NCAPG2: variants seen among roughly 807,000 people sequenced by gnomAD.
NCAPG2 encodes the protein non-SMC condensin II complex subunit G2, also known as condensin-2 complex subunit G2.
A neutral mutation model predicts 141.1 loss-of-function variants in NCAPG2; 53 were observed. The ratio of observed to expected loss-of-function variants is 0.38; its 90% CI spans 0.30 to 0.47. The LOEUF is 0.47. Among genes scored for constraint, NCAPG2 ranks in the 20% least tolerant of loss-of-function variants. The pLI, the probability that NCAPG2 is intolerant of heterozygous loss-of-function variation, is 0.99. For missense variants in NCAPG2, 1,087 were observed against 1,389.0 expected (o/e 0.78, Z 3.46); for synonymous variants, 499 against 490.7 (o/e 1.02, Z -0.22).
intron 25 of NCAPG2, 127 bp downstream of exon 25, chr7:158,646,333 T>G: frequency 1.6e-6 from 1 of 623,220 alleles, no homozygotes; most frequent in South Asian, 2.2e-5. Context: ...AAAAATTATA[T>G]GAAACATTTT....
chr7:158,668,768 C>T (rs970309286), intron 13 of NCAPG2, among the ~76,000 whole-genome samples: 3 of 152,098 alleles, frequency 2.0e-5, no homozygotes, highest in Admixed American at 1.3e-4. Flanking sequence ...GTTTTTTGGT[C>T]CAACTTTTAA....
chr7:158,688,157 C>T (rs1347013343), intron 6 of NCAPG2, among the ~76,000 whole-genome samples: 2 of 142,176 alleles, frequency 1.4e-5, no homozygotes, highest in African/African-American at 5.3e-5. Context: ...GCAGGGTAAC[C>T]ATGCTCACAA....
chr7:158,679,857 G>A, intron 11 of NCAPG2, 103 bp downstream of exon 11: 1 of 1,427,030 alleles, frequency 7.0e-7, no homozygotes, highest in Non-Finnish European at 9.5e-7. Context: ...TGGGAGCAGA[G>A]CTCTGGCGGT....
At chr7:158,673,878 C>T (rs900197579) in intron 12 of NCAPG2, among the ~76,000 whole-genome samples, 1 of 152,138 alleles carries the variant, frequency 6.6e-6, no homozygotes, top group African/African-American at 2.4e-5. Flanking sequence ...TCCAGAGGGA[C>T]AAGGGAATGG....
At chr7:158,687,582 T>C (rs41271193) in intron 6 of NCAPG2, 140 bp from the exon 7 acceptor site, 188,415 of 623,588 alleles carry the variant, frequency 0.3, 30,167 homozygotes, top group South Asian at 0.41. Flanking sequence ...TGAGAGCACA[T>C]GCACGAGTTG....
In NCAPG2 at chr7:158,653,384, A is replaced by AT. The variant is rs1554553483; in HGVS notation, c.2747-905_2747-904insA. Among the ~76,000 whole-genome samples the AT allele has an allele frequency of 1.6e-3, 140 of 88,180 alleles. 4 individuals carry two copies. Among genetic ancestry groups the AT allele is most frequent in the South Asian group, 8.9e-3 (22 of 2,480 alleles). 57.8% of individuals were successfully genotyped at this position (88,180 alleles called of 152,430 possible). On this transcript the variant is annotated intron_variant, in intron 22 of 27. Coordinates refer to ENST00000356309, the MANE Select transcript of NCAPG2 (RefSeq NM_017760.7). Reference sequence around the variant, plus strand: ...GGTCTCAAAAAAAAAAAAATAAAAAAAAAAATAATAATAATAATTAAACAA... The same window carrying AT: ...GGTCTCAAAAAAAAAAAAATAAAAAATAAAAATAATAATAATAATTAAACAA...
At chr7:158,654,872 A>G (rs1381326649) in intron 21 of NCAPG2, 178 bp from the exon 22 acceptor site, 1 of 1,268,910 alleles carries the variant, frequency 7.9e-7, no homozygotes, top group Non-Finnish European at 1.0e-6. Flanking sequence ...TAAGAAATCT[A>G]GAGACATATT....
At position 158,657,526 on chromosome 7, in the gene NCAPG2, G is replaced by A. The variant is rs111571339; in HGVS notation, c.2060+812C>T. Among the ~76,000 whole-genome samples the A allele has an allele frequency of 4.0e-4, 61 of 152,144 alleles. 2 individuals are homozygous for A. Among genetic ancestry groups the A allele is most frequent in the African/African-American group, 1.3e-3 (52 of 41,416 alleles). On this transcript the variant is annotated intron_variant, in intron 17 of 27. Transcript: ENST00000356309. ...CATTGAAAATCACATCCTTGAGGGA[G>A]GTGGGGGGGTCAGCCCCCCACCCGG...
At chr7:158,672,312 A>G (rs1261651193) in intron 12 of NCAPG2, among the ~76,000 whole-genome samples, 7 of 38,506 alleles carry the variant, frequency 1.8e-4, no homozygotes, top group Admixed American at 1.7e-3. Context: ...ATATATATAT[A>G]TATATATATA....
intron 6 of NCAPG2, among the ~76,000 whole-genome samples, chr7:158,689,529 A>G (rs1002826664): frequency 6.6e-6 from 1 of 152,262 alleles, no homozygotes; most frequent in African/African-American, 2.4e-5. Flanking sequence ...TCTCATTCAT[A>G]GAGAAGTGCT....
At chr7:158,675,398 T>C in intron 12 of NCAPG2, 79 bp downstream of exon 12, 1 of 1,327,040 alleles carries the variant, frequency 7.5e-7, no homozygotes, top group Non-Finnish European at 1.0e-6. Context: ...ACAGGTATTA[T>C]TTTAATCTTT....
At chr7:158,672,865 C>T (rs1833834962) in intron 12 of NCAPG2, among the ~76,000 whole-genome samples, 1 of 152,164 alleles carries the variant, frequency 6.6e-6, no homozygotes, top group Non-Finnish European at 1.5e-5. Flanking sequence ...ACTGTGTTCT[C>T]CTAATTCTCC....
At chr7:158,673,569 C>T (rs1353087126) in intron 12 of NCAPG2, among the ~76,000 whole-genome samples, 2 of 152,238 alleles carry the variant, frequency 1.3e-5, no homozygotes, top group Admixed American at 6.5e-5. Context: ...AATGTCCCTT[C>T]CCTTACACAG....
chr7:158,700,177 C>T (rs1050974183), intron 2 of NCAPG2, among the ~76,000 whole-genome samples: 6 of 152,172 alleles, frequency 3.9e-5, no homozygotes, highest in African/African-American at 9.7e-5. Context: ...CATTTTTACA[C>T]GTAAGAGCCA....
At chr7:158,667,275 T>TCCTTACCTA (rs1833051425) in intron 13 of NCAPG2, 2 of 946,830 alleles carry the variant, frequency 2.1e-6, no homozygotes, top group Non-Finnish European at 2.5e-6. Flanking sequence ...TCCCTCCGCC[T>TCCTTACCTA]CCCTCAGAGA....
At chr7:158,667,179 T>A in intron 13 of NCAPG2, 2 of 985,428 alleles carry the variant, frequency 2.0e-6, no homozygotes, top group African/African-American at 1.7e-5. Context: ...GCCTTGCACT[T>A]GCAAAGATAA....
At chr7:158,635,040 T>C (rs1429917046) in intron 27 of NCAPG2, among the ~76,000 whole-genome samples, 2 of 152,168 alleles carry the variant, frequency 1.3e-5, no homozygotes, top group African/African-American at 4.8e-5. Context: ...CCTTTCCTTC[T>C]ATGTCAGGTT....
At chr7:158,691,327 T>C (rs1443951449) in intron 4 of NCAPG2, among the ~76,000 whole-genome samples, 1 of 152,244 alleles carries the variant, frequency 6.6e-6, no homozygotes, top group Non-Finnish European at 1.5e-5. Context: ...TGATAGCAAC[T>C]ACAGTGTTAG....
chr7:158,667,608 T>G (rs112832688), intron 13 of NCAPG2, among the ~76,000 whole-genome samples: 125 of 9,280 alleles, frequency 0.013, 23 homozygotes, highest in East Asian at 0.038. Flanking sequence ...CCCTCCGCCC[T>G]CCTTACCTAC....
Sources: gnomAD v4.1 joint callset for allele counts (sites outside exome capture counted in the v4.1 genomes callset) on GRCh38, gnomAD v4.1.1 for gene constraint, MANE v1.5 for transcripts, NCBI Gene and HGNC (gene_info 2026-07-23, HGNC 2026-07-21) for gene names.